Variants in HIBCH observed in about 807,000 individuals in gnomAD.
HIBCH encodes 3-hydroxyisobutyryl-CoA hydrolase.
In HIBCH, 50 loss-of-function variants were observed where a neutral mutation model predicts 58.2. The observed-to-expected ratio is 0.86, with a 90% CI of 0.68 to 1.09. The LOEUF (loss-of-function observed/expected upper bound fraction) is 1.09. HIBCH is among the 50% of genes least tolerant of loss of function. The pLI, the probability that HIBCH is intolerant of heterozygous loss-of-function variation, is 0.00. For missense variants in HIBCH, 450 were observed against 449.7 expected, an observed-to-expected ratio of 1.00 and a Z score of -0.01; for synonymous variants, 151 against 146.9, an observed-to-expected ratio of 1.03 and a Z score of -0.20.
chr2:190,200,972 T>C (rs1378291293), downstream of HIBCH: 1 of 167,034 alleles, frequency 6.0e-6, no homozygotes, highest in Non-Finnish European at 1.5e-5. Flanking sequence ...AGCTTTACTA[T>C]CTCAGAGGTA....
intron 7 of HIBCH, among the ~76,000 whole-genome samples, chr2:190,258,253 T>C (rs1686984436): frequency 6.6e-6 from 1 of 152,226 alleles, no homozygotes; most frequent in African/African-American, 2.4e-5. Flanking sequence ...TGTAAATTTC[T>C]GGAGACCTCC....
In HIBCH at chr2:190,210,244, C is replaced by T. The variant is rs1690485524; in HGVS notation, c.1012-1331G>A. On this transcript the variant is annotated intron_variant, in intron 12 of 13. Coordinates refer to ENST00000359678, the MANE Select transcript of HIBCH (RefSeq NM_014362.4). The surrounding 1 kb of genome is among the most constrained non-coding windows in gnomAD (Gnocchi z 5.5). ...CTCTAAAATGGCTTGCCAAAACCAC[C>T]CATGACATCGGCATCGCCAAGGTCA... Among the ~76,000 whole-genome samples, 1 of 152,154 alleles carries T rather than the reference C, an allele frequency of 6.6e-6. No homozygotes were observed. Among genetic ancestry groups the T allele is most frequent in the African/African-American group, 2.4e-5 (1 of 41,430 alleles).
intron 6 of HIBCH, among the ~76,000 whole-genome samples, chr2:190,271,393 G>A (rs1046693374): frequency 3.4e-5 from 5 of 148,944 alleles, no homozygotes; most frequent in African/African-American, 5.0e-5. Flanking sequence ...GGTTTCAAGC[G>A]ATTCTCCTGC....
chr2:190,310,658 G>A (rs1688533178), intron 2 of HIBCH, 96 bp downstream of exon 2: 1 of 1,013,310 alleles, frequency 9.9e-7, no homozygotes, highest in African/African-American at 1.6e-5. Flanking sequence ...CTAAGGTCAA[G>A]GAAATCTGCC....
intron 11 of HIBCH, 108 bp from the exon 12 acceptor site, chr2:190,213,183 T>C: frequency 1.1e-6 from 1 of 943,294 alleles, no homozygotes; most frequent in Non-Finnish European, 1.7e-6. Flanking sequence ...CAAAATCTCA[T>C]AAAAGATTAT....
chr2:190,199,718 T>C, downstream of HIBCH: 1 of 1,470,734 alleles, frequency 6.8e-7, no homozygotes, highest in Non-Finnish European at 9.0e-7. Context: ...ACGTGAAGAG[T>C]GGTGAAAGGG....
rs1246299676 is a variant in HIBCH at position 190,306,597 on chromosome 2, C to T, written c.78+4157G>A. On this transcript the variant is annotated intron_variant, in intron 2 of 13. Transcript: ENST00000359678. The surrounding 1 kb of genome is among the most constrained non-coding windows in gnomAD (Gnocchi z 4.6). ...CCCCTGAGGCTTAAGCAAGAGAAAC[C>T]TTGCTCAGTGTTGCTCGCTGTGCCA... is the stretch of plus-strand genomic sequence containing the variant. Among the ~76,000 whole-genome samples, 1 of 152,150 alleles carries T rather than the reference C, an allele frequency of 6.6e-6. No homozygotes were observed. The highest frequency in any genetic ancestry group is 1.5e-5 in the Non-Finnish European group (1 of 68,034).
chr2:190,245,894 G>A (rs1686591266), intron 10 of HIBCH, among the ~76,000 whole-genome samples: 1 of 151,348 alleles, frequency 6.6e-6, no homozygotes, highest in Non-Finnish European at 1.5e-5. Flanking sequence ...GAAGGCTGAA[G>A]CATAAGAATT....
rs955916670 is a variant in HIBCH at position 190,216,296 on chromosome 2, A to G, written c.892-3221T>C. On this transcript the variant is annotated intron_variant, in intron 11 of 13. Coordinates refer to ENST00000359678, the MANE Select transcript of HIBCH (RefSeq NM_014362.4). The surrounding 1 kb of genome is among the most constrained non-coding windows in gnomAD (Gnocchi z 4.2). ...ATGTGGAGGACAGTTTAGGATCAGG[A>G]GCAGTGGGTTGCCTATGGATGGCTG... Among the ~76,000 whole-genome samples, 1 of 152,180 alleles carries G rather than the reference A, an allele frequency of 6.6e-6. No homozygotes were observed.
At chr2:190,227,813 T>G (rs927652569) in intron 11 of HIBCH, among the ~76,000 whole-genome samples, 2 of 152,176 alleles carry the variant, frequency 1.3e-5, no homozygotes, top group Non-Finnish European at 2.9e-5. Context: ...AAAATGCTCA[T>G]CATTGGCCAT....
chr2:190,298,217 T>C (rs970981278), intron 2 of HIBCH, among the ~76,000 whole-genome samples: 1 of 152,178 alleles, frequency 6.6e-6, no homozygotes, highest in African/African-American at 2.4e-5. Context: ...AATAAACATA[T>C]GTGTACATGT....
At chr2:190,195,352 G>A (rs573504644) in intron 1 of HIBCH, among the ~76,000 whole-genome samples, 2 of 148,120 alleles carry the variant, frequency 1.4e-5, no homozygotes, top group African/African-American at 2.4e-5. Flanking sequence ...AAGCAGAACT[G>A]CTGGATCATA....
At chr2:190,273,422 T>C (rs1187783111) in intron 6 of HIBCH, among the ~76,000 whole-genome samples, 1 of 151,700 alleles carries the variant, frequency 6.6e-6, no homozygotes, top group Admixed American at 6.6e-5. Context: ...AACAAATAAA[T>C]AAAAGCAATC....
intron 12 of HIBCH, 73 bp downstream of exon 12, chr2:190,212,883 A>G (rs978416257): frequency 3.7e-6 from 5 of 1,337,550 alleles, no homozygotes; most frequent in Admixed American, 1.8e-5. Flanking sequence ...CACTTAGTGT[A>G]TTTTACAAGT....
chr2:190,240,689 G>T (rs1686426277), intron 11 of HIBCH, among the ~76,000 whole-genome samples: 1 of 152,072 alleles, frequency 6.6e-6, no homozygotes, highest in South Asian at 2.1e-4. Flanking sequence ...TTGTGTCTTT[G>T]TTCTCATTGG....
rs1478037234 is a variant in HIBCH, at chr2:190,215,673, GAAGA to G, written c.892-2602_892-2599del. On this transcript the variant is annotated intron_variant, in intron 11 of 13. Coordinates refer to ENST00000359678, the MANE Select transcript of HIBCH (RefSeq NM_014362.4). This position sits in a 1 kb window ranked among gnomAD's most constrained non-coding sequence, Gnocchi z 4.4. ...AGGGAAGCTCAGAAGGTTTCTGTAAGAAGAAAGGGGGAAACATCGATGAAAAGAA... is the reference window on the plus strand; with the variant it reads ...AGGGAAGCTCAGAAGGTTTCTGTAAGAAGGGGGAAACATCGATGAAAAGAA... The G allele has an allele frequency of 4.6e-5, 7 of 152,212 alleles. No homozygotes were observed. Among genetic ancestry groups the G allele is most frequent in the Non-Finnish European group, 1.0e-4 (7 of 68,052 alleles). The allele number at this position is 152,212 out of a possible 1,614,324, so 9.4% of individuals were successfully genotyped here.
rs1238607092 is a variant in HIBCH, at chr2:190,246,328, A to G, written c.751-116T>C. The G allele has an allele frequency of 9.0e-6, 6 of 663,062 alleles. No individual in the cohort carries two copies. In the African/African-American group the frequency reaches 1.1e-4, roughly 12 times the overall value. The allele number at this position is 663,062 out of a possible 1,614,324, so 41.1% of individuals were successfully genotyped here. A position where few individuals can be genotyped will look rare whatever the true frequency, so the allele number is the denominator to read the frequency against. On this transcript the variant is annotated intron_variant, in intron 9 of 13. Coordinates refer to ENST00000359678, the MANE Select transcript of HIBCH (RefSeq NM_014362.4). ...GTCACTTGTCACTTTCAGTCAAATTACATCTAACTGTCTCATAAATAACTA... is the reference window on the plus strand; with the variant it reads ...GTCACTTGTCACTTTCAGTCAAATTGCATCTAACTGTCTCATAAATAACTA...
chr2:190,243,853 C>T lies in HIBCH; in HGVS notation c.891+1034G>A, dbSNP rs1686523163. Among the ~76,000 whole-genome samples, 1 of 152,068 alleles carries T rather than the reference C, an allele frequency of 6.6e-6. No homozygotes were observed. The highest frequency in any genetic ancestry group is 2.4e-5 in the African/African-American group (1 of 41,396). On this transcript the variant is annotated intron_variant, in intron 11 of 13. Coordinates refer to ENST00000359678, the MANE Select transcript of HIBCH (RefSeq NM_014362.4). This position sits in a 1 kb window ranked among gnomAD's most constrained non-coding sequence, Gnocchi z 4.1. Reference sequence around the variant, plus strand: ...CCCGTGGTGGCACACGCCCGTAGTCCCAGCTACTCAGGAGGCTGAGGTGTG... The same window carrying T: ...CCCGTGGTGGCACACGCCCGTAGTCTCAGCTACTCAGGAGGCTGAGGTGTG...
chr2:190,314,732 G>C (rs1465489662), intron 1 of HIBCH, among the ~76,000 whole-genome samples: 2 of 152,088 alleles, frequency 1.3e-5, no homozygotes, highest in Non-Finnish European at 2.9e-5. Context: ...GCCCACCTGG[G>C]CCTCCCAAAG....
Sources: gnomAD v4.1 joint callset for allele counts (sites outside exome capture counted in the v4.1 genomes callset) on GRCh38, gnomAD v4.1.1 for gene constraint, Gnocchi (gnomAD v3.1) non-coding constraint, MANE v1.5 for transcripts, NCBI Gene and HGNC (gene_info 2026-07-23, HGNC 2026-07-21) for gene names.